Variants in OPHN1 observed in about 807,000 individuals in gnomAD.
OPHN1 encodes oligophrenin-1.
Under a neutral mutation model 60.7 loss-of-function variants are expected in OPHN1, and 11 were observed. The observed-to-expected ratio is 0.18, with a 90% CI of 0.11 to 0.30. The LOEUF (loss-of-function observed/expected upper bound fraction) is 0.30, where lower values mean the gene tolerates loss of function less well. OPHN1 is among the 10% of genes least tolerant of loss of function. The pLI is 1.00. For synonymous variants in OPHN1, 226 were observed against 222.6 expected, an observed-to-expected ratio of 1.02 and a Z score of -0.14; for missense variants, 449 against 611.0, an observed-to-expected ratio of 0.73 and a Z score of 2.80.
intron 16 of OPHN1, among the ~76,000 whole-genome samples, 165 bp downstream of exon 16, chrX:68,119,083 T>TA (rs987880713): frequency 9.8e-5 from 11 of 112,104 alleles, no homozygotes; most frequent in Non-Finnish European, 1.9e-4. Flanking sequence ...CTCTCAGATT[T>TA]AAAAAACAGT....
intron 5 of OPHN1, among the ~76,000 whole-genome samples, chrX:68,239,816 AT>A (rs35695832): frequency 0.2 from 18,407 of 93,297 alleles, 1,572 homozygotes; most frequent in African/African-American, 0.33. Context: ...TTCCTTTTCT[AT>A]TTTTTTTTTT....
intron 20 of OPHN1, among the ~76,000 whole-genome samples, chrX:68,068,315 C>T (rs1042313695): frequency 9.2e-6 from 1 of 108,537 alleles, no homozygotes; most frequent in Non-Finnish European, 1.9e-5. Flanking sequence ...ACTAAAAATA[C>T]AAAAAATTAG....
intron 2 of OPHN1, among the ~76,000 whole-genome samples, chrX:68,405,977 T>A (rs1448334980): frequency 9.4e-6 from 1 of 106,017 alleles, no homozygotes; most frequent in East Asian, 3.0e-4. Context: ...AAACCCCATC[T>A]CTACTAAAAT....
At chrX:68,400,847 C>T (rs1343640153) in intron 2 of OPHN1, among the ~76,000 whole-genome samples, 1 of 110,999 alleles carries the variant, frequency 9.0e-6, no homozygotes, top group East Asian at 2.8e-4. Flanking sequence ...GATGATTCAC[C>T]CGCCTCTGCC....
At chrX:68,225,955 C>A (rs1459072273) in intron 6 of OPHN1, among the ~76,000 whole-genome samples, 1 of 111,419 alleles carries the variant, frequency 9.0e-6, no homozygotes. Context: ...ATGCTCAAAC[C>A]CAACGCAAAG....
At chrX:68,280,012 T>C (rs2078012370) in intron 4 of OPHN1, among the ~76,000 whole-genome samples, 1 of 111,438 alleles carries the variant, frequency 9.0e-6, no homozygotes, top group African/African-American at 3.3e-5. Context: ...CTGAATGAAA[T>C]GGGGGCAAAT....
intron 22 of OPHN1, 109 bp downstream of exon 22, chrX:68,053,536 A>G (rs2076860193): frequency 1.3e-6 from 1 of 785,136 alleles, no homozygotes. Flanking sequence ...TATAAAGTGA[A>G]GGATGCCCCA....
chrX:68,297,966 A>G (rs763472168), intron 3 of OPHN1, among the ~76,000 whole-genome samples: 17 of 112,040 alleles, frequency 1.5e-4, no homozygotes, highest in African/African-American at 5.5e-4. Flanking sequence ...TCTTCCTATC[A>G]TAAGTAACTT....
chrX:68,280,150 T>C (rs972174701), intron 4 of OPHN1, among the ~76,000 whole-genome samples: 6 of 111,652 alleles, frequency 5.4e-5, no homozygotes, highest in African/African-American at 2.0e-4. Context: ...GGTCTCTTCT[T>C]AGTACATTTA....
chrX:68,117,327 G>T (rs1165239727), intron 16 of OPHN1, among the ~76,000 whole-genome samples: 1 of 111,452 alleles, frequency 9.0e-6, no homozygotes, highest in African/African-American at 3.3e-5. Context: ...AACCAAAATG[G>T]GTGACGTCTT....
chrX:68,239,670 T>G (rs2077771141), intron 5 of OPHN1, among the ~76,000 whole-genome samples: 1 of 112,068 alleles, frequency 8.9e-6, no homozygotes, highest in Non-Finnish European at 1.9e-5. Context: ...CTTATAAAGT[T>G]TACTGATGCT....
intron 21 of OPHN1, 94 bp from the exon 22 acceptor site, chrX:68,053,904 C>CT: frequency 2.2e-6 from 2 of 893,967 alleles, no homozygotes; most frequent in Non-Finnish European, 3.2e-6. Flanking sequence ...CCTGGGCCAA[C>CT]TTCCTTGGCC....
Position 68,200,605 on chromosome X carries a change from A to G in OPHN1, c.1025+1014T>C, listed in dbSNP as rs756117093. On this transcript the variant is annotated intron_variant, in intron 11 of 24. Transcript: ENST00000355520. ...AATTGGGATCATCCATTTTTAACAA[A>G]GAAATGATATAAATTCACAAATCGA... Among the ~76,000 whole-genome samples, 3 of 112,260 alleles carry G rather than the reference A, an allele frequency of 2.7e-5. No individual in the cohort carries two copies. The East Asian group carries it at 8.5e-4, about 32-fold the overall frequency.
At chrX:68,066,862 C>T (rs1195568085) in intron 20 of OPHN1, among the ~76,000 whole-genome samples, 2 of 112,092 alleles carry the variant, frequency 1.8e-5, no homozygotes, top group African/African-American at 6.5e-5. Flanking sequence ...ATTGCTCTGT[C>T]AGGTAATAAA....
intron 2 of OPHN1, among the ~76,000 whole-genome samples, chrX:68,379,014 T>C (rs2078578557): frequency 9.0e-6 from 1 of 110,859 alleles, no homozygotes; most frequent in Non-Finnish European, 1.9e-5. Flanking sequence ...ATCTATAAAT[T>C]ACCTTGGGCA....
chrX:68,369,444 C>T (rs947604124), intron 2 of OPHN1, among the ~76,000 whole-genome samples: 1 of 111,177 alleles, frequency 9.0e-6, no homozygotes, highest in Non-Finnish European at 1.9e-5. Context: ...ACAAAAAAAT[C>T]ACAAGACAAA....
intron 2 of OPHN1, among the ~76,000 whole-genome samples, chrX:68,423,996 G>T (rs756868175): frequency 9.1e-6 from 1 of 110,160 alleles, no homozygotes; most frequent in African/African-American, 3.3e-5. Flanking sequence ...GTGAAACCCC[G>T]TTTCTACTGA....
intron 19 of OPHN1, among the ~76,000 whole-genome samples, chrX:68,088,536 C>G (rs1003918831): frequency 1.8e-5 from 2 of 111,221 alleles, no homozygotes; most frequent in African/African-American, 6.5e-5. Context: ...GTAACAGCTA[C>G]TAAGAAAAGC....
At chrX:68,350,347 T>G (rs1364481802) in intron 2 of OPHN1, among the ~76,000 whole-genome samples, 1 of 110,179 alleles carries the variant, frequency 9.1e-6, no homozygotes, top group Non-Finnish European at 1.9e-5. Flanking sequence ...GAGCCTGCCT[T>G]TCTTTCTTTT....
Sources: gnomAD v4.1 joint callset for allele counts (sites outside exome capture counted in the v4.1 genomes callset) on GRCh38, gnomAD v4.1.1 for gene constraint, MANE v1.5 for transcripts, NCBI Gene and HGNC (gene_info 2026-07-23, HGNC 2026-07-21) for gene names.